Variants in TBC1D22A observed in about 807,000 individuals in gnomAD.
TBC1D22A encodes the protein putative GTPase activator.
In TBC1D22A, 38 loss-of-function variants were observed where a neutral mutation model predicts 60.2. The ratio of observed to expected loss-of-function variants is 0.63; its 90% CI spans 0.49 to 0.83. TBC1D22A has a LOEUF of 0.83. Ranked by LOEUF, TBC1D22A falls within the 40% of genes least tolerant of loss-of-function variation. TBC1D22A has a pLI of 0.00. For missense variants in TBC1D22A, 628 were observed against 701.0 expected (o/e 0.90, Z 1.18); for synonymous variants, 302 against 281.7 (o/e 1.07, Z -0.72).
intron 8 of TBC1D22A, among the ~76,000 whole-genome samples, chr22:46,959,964 C>T (rs2073408754): frequency 6.6e-6 from 1 of 152,210 alleles, no homozygotes; most frequent in African/African-American, 2.4e-5. Flanking sequence ...TCCACAGGCT[C>T]CTTTTGAATT....
intron 12 of TBC1D22A, among the ~76,000 whole-genome samples, chr22:47,143,025 T>C (rs1165368962): frequency 6.6e-6 from 1 of 151,892 alleles, no homozygotes; most frequent in Non-Finnish European, 1.5e-5. Context: ...TGCACAGGCC[T>C]TGAAGGTGAC....
intron 10 of TBC1D22A, among the ~76,000 whole-genome samples, chr22:47,027,229 C>T (rs770322440): frequency 1.3e-5 from 2 of 152,224 alleles, no homozygotes; most frequent in Admixed American, 6.5e-5. Context: ...TGAAAATTCA[C>T]ATCAGAGGAA....
intron 10 of TBC1D22A, 58 bp downstream of exon 10, chr22:46,997,767 C>T: frequency 2.0e-6 from 3 of 1,517,084 alleles, no homozygotes; most frequent in Non-Finnish European, 2.7e-6. Flanking sequence ...GCCCTCAGCC[C>T]TCGGTGGGAC....
intron 4 of TBC1D22A, among the ~76,000 whole-genome samples, chr22:46,822,933 G>T (rs1256108023): frequency 6.6e-6 from 1 of 152,072 alleles, no homozygotes; most frequent in African/African-American, 2.4e-5. Flanking sequence ...GTCTCCTGGG[G>T]AGCTCCCCAA....
rs149244690 is a variant in TBC1D22A, at chr22:47,080,338, G to T, written c.1330-31170G>T. ...AGATACCCAACAACATTCTTTGCAA[G>T]TACTCAGTAACGAATCACCATGATT... On this transcript the variant is annotated intron_variant, in intron 11 of 12. Coordinates refer to ENST00000337137, the MANE Select transcript of TBC1D22A (RefSeq NM_014346.5). 8.1e-4 allele frequency among the ~76,000 whole-genome samples: 124 copies of T among 152,270 alleles called. 2 individuals are homozygous for T. The East Asian group carries it at 0.021, about 26-fold the overall frequency.
At position 47,110,008 on chromosome 22, in the gene TBC1D22A, C is replaced by T. The variant is rs576886036; in HGVS notation, c.1330-1500C>T. Among the ~76,000 whole-genome samples the T allele has an allele frequency of 1.2e-4, 18 of 152,220 alleles. No individual in the cohort carries two copies. In the South Asian group the frequency reaches 2.1e-3, roughly 18 times the overall value. On this transcript the variant is annotated intron_variant, in intron 11 of 12. Transcript: ENST00000337137. ...CTTTTGAAGCCTGCATTTTTCCCTG[C>T]TCAGAGCCCCGAGGATCTGTACCCC... is the stretch of plus-strand genomic sequence containing the variant.
intron 12 of TBC1D22A, among the ~76,000 whole-genome samples, chr22:47,155,475 G>A (rs1048634622): frequency 2.6e-5 from 4 of 152,212 alleles, no homozygotes; most frequent in Admixed American, 6.5e-5. Flanking sequence ...CCTGCACTCC[G>A]GGCTCCCAGG....
At chr22:47,083,843 C>G (rs941400242) in intron 11 of TBC1D22A, among the ~76,000 whole-genome samples, 3 of 152,156 alleles carry the variant, frequency 2.0e-5, no homozygotes, top group African/African-American at 4.8e-5. Flanking sequence ...TACTGCACGC[C>G]CACCAGAATG....
intron 4 of TBC1D22A, among the ~76,000 whole-genome samples, chr22:46,868,950 G>A (rs1039432001): frequency 6.6e-6 from 1 of 151,760 alleles, no homozygotes; most frequent in Non-Finnish European, 1.5e-5. Flanking sequence ...GGTGGGGGGT[G>A]CCCCTGTGTT....
At chr22:47,021,697 C>A (rs1162136345) in intron 10 of TBC1D22A, among the ~76,000 whole-genome samples, 1 of 152,258 alleles carries the variant, frequency 6.6e-6, no homozygotes, top group Non-Finnish European at 1.5e-5. Context: ...GTGACCCATA[C>A]AGACTCATAA....
intron 1 of TBC1D22A, among the ~76,000 whole-genome samples, chr22:46,769,840 C>T (rs538671575): frequency 5.9e-5 from 9 of 152,154 alleles, no homozygotes; most frequent in African/African-American, 2.2e-4. Context: ...AGGCCAGATG[C>T]TGTGGGGTTG....
intron 8 of TBC1D22A, chr22:46,916,001 A>C: frequency 2.2e-6 from 1 of 461,180 alleles, no homozygotes; most frequent in Non-Finnish European, 4.3e-6. Context: ...TCCTTGCTGT[A>C]ATCTGGAGAG....
At chr22:47,138,411 G>A (rs1396285262) in intron 12 of TBC1D22A, among the ~76,000 whole-genome samples, 1 of 152,174 alleles carries the variant, frequency 6.6e-6, no homozygotes, top group Non-Finnish European at 1.5e-5. Flanking sequence ...CTTGGCCTCT[G>A]GGGGACAGGG....
intron 4 of TBC1D22A, among the ~76,000 whole-genome samples, chr22:46,854,230 G>A (rs1432340266): frequency 1.3e-5 from 2 of 152,204 alleles, no homozygotes; most frequent in East Asian, 3.9e-4. Context: ...GGAAAATCAT[G>A]GACGTGGTTG....
chr22:46,836,472 T>TA (rs1366081062), intron 4 of TBC1D22A, among the ~76,000 whole-genome samples: 6 of 151,170 alleles, frequency 4.0e-5, no homozygotes, highest in Admixed American at 6.6e-5. Context: ...AGAAAAAACA[T>TA]ACAGTTGATA....
chr22:46,847,344 T>A (rs985493009), intron 4 of TBC1D22A, among the ~76,000 whole-genome samples: 2 of 152,154 alleles, frequency 1.3e-5, no homozygotes, highest in African/African-American at 2.4e-5. Flanking sequence ...GGAGCAGAAG[T>A]CACCTAGCCA....
intron 8 of TBC1D22A, among the ~76,000 whole-genome samples, chr22:46,969,458 T>C (rs1460409123): frequency 6.6e-6 from 1 of 152,200 alleles, no homozygotes; most frequent in Non-Finnish European, 1.5e-5. Flanking sequence ...TACAAATTGG[T>C]TGTTTTCCTT....
chr22:46,836,272 T>C (rs548213763), intron 4 of TBC1D22A, among the ~76,000 whole-genome samples: 1 of 152,354 alleles, frequency 6.6e-6, no homozygotes, highest in South Asian at 2.1e-4. Context: ...CAACATTTAG[T>C]TAATGGATAT....
intron 11 of TBC1D22A, among the ~76,000 whole-genome samples, chr22:47,039,704 G>GAAAAAAA (rs34793078): frequency 1.2e-5 from 1 of 81,436 alleles, no homozygotes; most frequent in African/African-American, 4.8e-5. Flanking sequence ...TGCATTTCAG[G>GAAAAAAA]AAAAAAAAAA....
Sources: gnomAD v4.1 joint callset for allele counts (sites outside exome capture counted in the v4.1 genomes callset) on GRCh38, gnomAD v4.1.1 for gene constraint, MANE v1.5 for transcripts, NCBI Gene and HGNC (gene_info 2026-07-23, HGNC 2026-07-21) for gene names.